The following CERT1 variants were observed in gnomAD, a reference collection of about 807,000 sequenced individuals.
The protein encoded by CERT1 is ceramide transporter 1, also known as ceramide transfer protein.
CERT1 carries 31 observed loss-of-function variants against 87.9 expected under a neutral mutation model. That is an observed-to-expected ratio of 0.35 (90% CI 0.27 to 0.48). The LOEUF (loss-of-function observed/expected upper bound fraction) is 0.48, where lower values mean the gene tolerates loss of function less well. Among genes scored for constraint, CERT1 ranks in the 20% least tolerant of loss-of-function variants. The pLI is 0.99. For missense variants in CERT1, 487 were observed against 758.0 expected, an observed-to-expected ratio of 0.64 and a Z score of 4.20; for synonymous variants, 289 against 250.9, an observed-to-expected ratio of 1.15 and a Z score of -1.44.
intron 2 of CERT1, among the ~76,000 whole-genome samples, chr5:75,478,690 A>AATT (rs1766083573): frequency 6.6e-6 from 1 of 152,008 alleles, no homozygotes; most frequent in Admixed American, 6.6e-5. Flanking sequence ...AGAACCCCTA[A>AATT]AGTAAGCACT....
rs531870331 is a variant in CERT1, at chr5:75,395,194, T to C, written c.1188+4116A>G. Among the ~76,000 whole-genome samples, 188 of 152,354 alleles carry C rather than the reference T, an allele frequency of 1.2e-3. 1 individual carries two copies. The highest frequency in any genetic ancestry group is 9.0e-3 in the Admixed American group (138 of 15,306). ...AATAGAGGATGATGTTCTTCCCCTT[T>C]GATTTCTAAGGTGACACCTTTAAAT... On this transcript the variant is annotated intron_variant, in intron 11 of 16. Coordinates refer to ENST00000643780, the MANE Select transcript of CERT1 (RefSeq NM_001379029.1).
At chr5:75,463,267 A>G (rs1765315107) in intron 2 of CERT1, among the ~76,000 whole-genome samples, 1 of 152,166 alleles carries the variant, frequency 6.6e-6, no homozygotes, top group Non-Finnish European at 1.5e-5. Flanking sequence ...AGGTTTTTGC[A>G]TTACCAAACC....
chr5:75,420,928 TC>T (rs1203185503), intron 5 of CERT1, among the ~76,000 whole-genome samples: 3 of 152,136 alleles, frequency 2.0e-5, no homozygotes, highest in African/African-American at 7.2e-5. Flanking sequence ...GCTCAAGCAA[TC>T]CTACTCAGCC....
At chr5:75,471,791 T>C (rs1729683356) in intron 2 of CERT1, among the ~76,000 whole-genome samples, 4 of 149,676 alleles carry the variant, frequency 2.7e-5, no homozygotes. Flanking sequence ...GGTGGTAGGC[T>C]GATGACTGAA....
intron 2 of CERT1, 132 bp from the exon 3 acceptor site, chr5:75,459,313 A>G: frequency 1.7e-6 from 1 of 603,538 alleles, no homozygotes; most frequent in Non-Finnish European, 3.0e-6. Context: ...TTTCTGCTCA[A>G]ATAACTTGTC....
chr5:75,400,511 C>T (rs994641113), intron 9 of CERT1: 1 of 468,942 alleles, frequency 2.1e-6, no homozygotes, highest in African/African-American at 2.0e-5. Flanking sequence ...TCCACAGATA[C>T]TATGTTAGGC....
chr5:75,484,768 C>T (rs1332342768), intron 2 of CERT1, among the ~76,000 whole-genome samples: 1 of 151,760 alleles, frequency 6.6e-6, no homozygotes, highest in Non-Finnish European at 1.5e-5. Flanking sequence ...GACCATTATA[C>T]AATAGCTGGA....
intron 3 of CERT1, among the ~76,000 whole-genome samples, chr5:75,443,977 C>T (rs1459340573): frequency 1.3e-5 from 2 of 152,194 alleles, no homozygotes; most frequent in African/African-American, 2.4e-5. Context: ...CTTTTGGTTG[C>T]TATTTGCATG....
chr5:75,416,282 T>C (rs1057014541), intron 7 of CERT1, among the ~76,000 whole-genome samples: 1 of 152,190 alleles, frequency 6.6e-6, no homozygotes, highest in African/African-American at 2.4e-5. Context: ...ATTTTACTAT[T>C]ATTCTAAAGC....
intron 3 of CERT1, among the ~76,000 whole-genome samples, chr5:75,455,906 T>A (rs1176828615): frequency 6.6e-6 from 1 of 152,194 alleles, no homozygotes; most frequent in African/African-American, 2.4e-5. Context: ...ACTACTTTAT[T>A]TTTCAGGATA....
intron 3 of CERT1, among the ~76,000 whole-genome samples, chr5:75,450,142 G>A (rs1339781348): frequency 6.6e-6 from 1 of 152,036 alleles, no homozygotes; most frequent in Admixed American, 6.6e-5. Context: ...TGAAGTATTT[G>A]GGTGTAAACC....
intron 2 of CERT1, among the ~76,000 whole-genome samples, chr5:75,485,694 CAGAAATTCAAAAGATT>C (rs1157299718): frequency 6.6e-6 from 1 of 151,938 alleles, no homozygotes; most frequent in Non-Finnish European, 1.5e-5. Flanking sequence ...ACTGATACTG[CAGAAATTCAAAAGATT>C]ATTAGAGGCT....
intron 2 of CERT1, among the ~76,000 whole-genome samples, chr5:75,501,258 A>T (rs1051662088): frequency 2.0e-5 from 3 of 152,188 alleles, no homozygotes; most frequent in African/African-American, 4.8e-5. Flanking sequence ...CAACTTGCCT[A>T]ATCACTATTT....
intron 1 of CERT1, among the ~76,000 whole-genome samples, chr5:75,507,537 A>T (rs1767710222): frequency 6.6e-6 from 1 of 152,166 alleles, no homozygotes; most frequent in South Asian, 2.1e-4. Context: ...ATGTACCACC[A>T]CTTAGACACG....
chr5:75,387,428 T>A (rs886884837), intron 12 of CERT1, among the ~76,000 whole-genome samples: 3 of 152,078 alleles, frequency 2.0e-5, no homozygotes, highest in African/African-American at 2.4e-5. Context: ...TTCTTCCCTA[T>A]CAGCTTGATC....
chr5:75,448,106 T>C (rs1764631404), intron 3 of CERT1, among the ~76,000 whole-genome samples: 1 of 152,230 alleles, frequency 6.6e-6, no homozygotes, highest in Non-Finnish European at 1.5e-5. Flanking sequence ...GAAAAAATAA[T>C]GTTACTACTT....
intron 2 of CERT1, among the ~76,000 whole-genome samples, chr5:75,477,030 T>G (rs1282609659): frequency 6.6e-6 from 1 of 152,206 alleles, no homozygotes; most frequent in Non-Finnish European, 1.5e-5. Flanking sequence ...TCTGCAAAGG[T>G]GTTATCTGAA....
intron 2 of CERT1, among the ~76,000 whole-genome samples, chr5:75,469,483 A>C (rs1348559857): frequency 6.6e-6 from 1 of 152,178 alleles, no homozygotes; most frequent in Non-Finnish European, 1.5e-5. Flanking sequence ...AACATCAAAA[A>C]TTCAAAACAC....
chr5:75,466,958 T>C (rs1378766209), intron 2 of CERT1, among the ~76,000 whole-genome samples: 1 of 152,240 alleles, frequency 6.6e-6, no homozygotes, highest in African/African-American at 2.4e-5. Context: ...GGTGATCCTC[T>C]TTATTGAATG....
Sources: gnomAD v4.1 joint callset for allele counts (sites outside exome capture counted in the v4.1 genomes callset) on GRCh38, gnomAD v4.1.1 for gene constraint, MANE v1.5 for transcripts, NCBI Gene and HGNC (gene_info 2026-07-23, HGNC 2026-07-21) for gene names.